Variants in TTLL5 observed in about 807,000 individuals in gnomAD.
TTLL5 encodes the protein tubulin polyglutamylase TTLL5.
A neutral mutation model predicts 168.4 loss-of-function variants in TTLL5; 132 were observed. The ratio of observed to expected loss-of-function variants is 0.78; its 90% CI spans 0.68 to 0.91. The LOEUF (loss-of-function observed/expected upper bound fraction) is 0.91, where lower values mean the gene tolerates loss of function less well. TTLL5 is among the 40% of genes least tolerant of loss of function. The pLI, the probability that TTLL5 is intolerant of heterozygous loss-of-function variation, is 0.00. For missense variants in TTLL5, 1,545 were observed against 1,581.5 expected, an observed-to-expected ratio of 0.98 and a Z score of 0.39; for synonymous variants, 546 against 558.6, an observed-to-expected ratio of 0.98 and a Z score of 0.32.
intron 5 of TTLL5, chr14:75,684,317 T>C (rs987692824): frequency 6.6e-6 from 1 of 152,238 alleles, no homozygotes; most frequent in Non-Finnish European, 1.5e-5. Context: ...ATGGCTCACC[T>C]AGAATCTTAG....
chr14:75,938,077 G>C (rs1191006382), intron 31 of TTLL5, among the ~76,000 whole-genome samples: 1 of 152,194 alleles, frequency 6.6e-6, no homozygotes, highest in African/African-American at 2.4e-5. Context: ...TAATGGGTGT[G>C]ATGTGGTTTT....
intron 21 of TTLL5, among the ~76,000 whole-genome samples, chr14:75,773,351 C>A (rs1017829512): frequency 1.2e-4 from 18 of 152,146 alleles, no homozygotes; most frequent in Admixed American, 1.1e-3. Context: ...ATAGTAAAGA[C>A]AGCAGAGTAG....
At chr14:75,715,264 C>CTTTTTT (rs1201985101) in intron 9 of TTLL5, among the ~76,000 whole-genome samples, 9 of 130,944 alleles carry the variant, frequency 6.9e-5, no homozygotes, top group Non-Finnish European at 1.3e-4. Flanking sequence ...CACCATCTTC[C>CTTTTTT]TTTTTTTTTT....
At chr14:75,746,946 T>G (rs1889653433) in intron 17 of TTLL5, among the ~76,000 whole-genome samples, 1 of 152,212 alleles carries the variant, frequency 6.6e-6, no homozygotes, top group African/African-American at 2.4e-5. Context: ...TCATTGAGCT[T>G]CTTCATCTAT....
chr14:75,720,733 T>C (rs1294585851), intron 12 of TTLL5, 30 bp downstream of exon 12: 1 of 1,575,296 alleles, frequency 6.3e-7, no homozygotes. Flanking sequence ...TTAACATGTT[T>C]TGTGAAGAGG....
Position 75,874,520 on chromosome 14 carries a change from G to A in TTLL5, c.3523-8165G>A, listed in dbSNP as rs562838208. Reference sequence around the variant, plus strand: ...ATCAATTGTGAGCTAGCTTTTCATCGGGTGCAAGCTGCTTTCTCAAAGTAA... The same window carrying A: ...ATCAATTGTGAGCTAGCTTTTCATCAGGTGCAAGCTGCTTTCTCAAAGTAA... On this transcript the variant is annotated intron_variant, in intron 29 of 31. Transcript: ENST00000298832. 3.9e-5 allele frequency among the ~76,000 whole-genome samples: 6 copies of A among 152,294 alleles called. No homozygotes were observed. In the East Asian group the frequency reaches 5.8e-4, roughly 15 times the overall value.
chr14:75,716,684 A>G (rs1286561603), intron 9 of TTLL5, among the ~76,000 whole-genome samples: 2 of 152,146 alleles, frequency 1.3e-5, no homozygotes, highest in Admixed American at 6.5e-5. Flanking sequence ...GTATGTAAAC[A>G]GGGGTTGATA....
chr14:75,679,071 G>A (rs959022038), intron 3 of TTLL5, among the ~76,000 whole-genome samples: 1 of 152,074 alleles, frequency 6.6e-6, no homozygotes, highest in African/African-American at 2.4e-5. Context: ...GCAGAATAAT[G>A]GTCCCTTAAA....
chr14:75,701,864 T>C (rs1358140730), intron 7 of TTLL5, among the ~76,000 whole-genome samples: 3 of 152,228 alleles, frequency 2.0e-5, no homozygotes, highest in Non-Finnish European at 2.9e-5. Context: ...CTTCTTTTAC[T>C]TTTTCCTAGC....
chr14:75,804,812 A>G (rs927278489), intron 27 of TTLL5, among the ~76,000 whole-genome samples: 1 of 152,150 alleles, frequency 6.6e-6, no homozygotes. Flanking sequence ...ATCAAGACCA[A>G]TTCTTCTCTT....
At chr14:75,860,535 A>G (rs1897345542) in intron 28 of TTLL5, among the ~76,000 whole-genome samples, 1 of 152,220 alleles carries the variant, frequency 6.6e-6, no homozygotes, top group Non-Finnish European at 1.5e-5. Flanking sequence ...ACCACTGTTG[A>G]TGGGCTTTCT....
In TTLL5 at chr14:75,863,873, A is replaced by ATAAGTCTT; in HGVS notation, c.3522+13_3522+20dup. On this transcript the variant is annotated intron_variant, in intron 29 of 31. Coordinates refer to ENST00000298832, the MANE Select transcript of TTLL5 (RefSeq NM_015072.5). ...CGAGCCCGGCACCAGGTAATTCAAG[A>ATAAGTCTT]TAAGTCTTTTCCATGTGTTATATCT... The ATAAGTCTT allele has an allele frequency of 9.0e-7, 1 of 1,111,570 alleles. No homozygotes were observed. The highest frequency in any genetic ancestry group is 1.3e-6 in the Non-Finnish European group (1 of 792,228). The allele number at this position is 1,111,570 out of a possible 1,614,324, so 68.9% of individuals were successfully genotyped here.
At chr14:75,844,193 A>G (rs1896421069) in intron 28 of TTLL5, among the ~76,000 whole-genome samples, 1 of 152,066 alleles carries the variant, frequency 6.6e-6, no homozygotes, top group Non-Finnish European at 1.5e-5. Context: ...TTTTATATTT[A>G]AATCTGTGAT....
intron 7 of TTLL5, among the ~76,000 whole-genome samples, chr14:75,704,809 A>G (rs939436472): frequency 2.0e-5 from 3 of 152,210 alleles, no homozygotes; most frequent in African/African-American, 2.4e-5. Flanking sequence ...GATAAAGACA[A>G]TAGAACACAT....
intron 9 of TTLL5, among the ~76,000 whole-genome samples, chr14:75,714,715 A>T (rs1002232249): frequency 6.6e-6 from 1 of 152,164 alleles, no homozygotes; most frequent in Non-Finnish European, 1.5e-5. Flanking sequence ...TGAGCACAAG[A>T]TGTTTCAGGC....
chr14:75,761,445 C>T (rs887028618), intron 18 of TTLL5, among the ~76,000 whole-genome samples: 5 of 152,188 alleles, frequency 3.3e-5, no homozygotes, highest in African/African-American at 9.6e-5. Flanking sequence ...AGGAAACAAC[C>T]TAAGTGTCCA....
intron 31 of TTLL5, among the ~76,000 whole-genome samples, chr14:75,935,962 C>T (rs1002618798): frequency 2.6e-5 from 4 of 151,952 alleles, no homozygotes; most frequent in African/African-American, 9.7e-5. Context: ...AGAGAAAACC[C>T]TTGAAGAAAT....
In TTLL5 at chr14:75,812,077, T is replaced by G. The variant is rs530583578; in HGVS notation, c.3172-7930T>G. ...ACATTCAGATATTTGCTCACCTGCC[T>G]TATTCGGAAGATTGGCTCTAAAATA... is the stretch of plus-strand genomic sequence containing the variant. On this transcript the variant is annotated intron_variant, in intron 27 of 31. Coordinates refer to ENST00000298832, the MANE Select transcript of TTLL5 (RefSeq NM_015072.5). Among the ~76,000 whole-genome samples the G allele has an allele frequency of 1.7e-4, 26 of 152,308 alleles. No homozygotes were observed. In the South Asian group the frequency reaches 2.7e-3, roughly 16 times the overall value.
At chr14:75,661,868 G>GTTT (rs372509490) in intron 1 of TTLL5, among the ~76,000 whole-genome samples, 1 of 147,812 alleles carries the variant, frequency 6.8e-6, no homozygotes, top group African/African-American at 2.5e-5. Flanking sequence ...ATCGGGGTCT[G>GTTT]TTTTTTTTTT....
Sources: allele counts gnomAD v4.1 joint callset (sites outside exome capture counted in the v4.1 genomes callset), GRCh38; gene constraint gnomAD v4.1.1; transcripts MANE v1.5; gene names NCBI Gene and HGNC (gene_info 2026-07-23, HGNC 2026-07-21).